Variants in ATG4C observed in about 807,000 individuals in gnomAD.
ATG4C encodes the protein cysteine protease ATG4C.
Under a neutral mutation model 57.6 loss-of-function variants are expected in ATG4C, and 56 were observed. That is an observed-to-expected ratio of 0.97 (90% CI 0.78 to 1.21). ATG4C has a LOEUF of 1.21. ATG4C is among the 50% of genes most tolerant of loss of function. The pLI is 0.00. For missense variants in ATG4C, 595 were observed against 529.8 expected, an observed-to-expected ratio of 1.12 and a Z score of -1.21; for synonymous variants, 157 against 174.1, an observed-to-expected ratio of 0.90 and a Z score of 0.78.
In ATG4C at chr1:62,831,357, C is replaced by G. The variant is rs72669578; in HGVS notation, c.933+2181C>G. On this transcript the variant is annotated intron_variant, in intron 7 of 10. Coordinates refer to ENST00000317868, the MANE Select transcript of ATG4C (RefSeq NM_032852.4). ...TTTTTTCCTTTTTTTCATGTATGGTCAGCCGTTGTATTTTTTCCTGCCAAA... is the reference window on the plus strand; with the variant it reads ...TTTTTTCCTTTTTTTCATGTATGGTGAGCCGTTGTATTTTTTCCTGCCAAA... 2.3e-3 allele frequency among the ~76,000 whole-genome samples: 346 copies of G among 152,174 alleles called. 3 individuals are homozygous for G. Among genetic ancestry groups the G allele is most frequent in the Non-Finnish European group, 3.4e-3 (230 of 67,980 alleles).
At chr1:62,796,818 A>G (rs1045795957) in intron 1 of ATG4C, among the ~76,000 whole-genome samples, 1 of 152,156 alleles carries the variant, frequency 6.6e-6, no homozygotes, top group Admixed American at 6.6e-5. Context: ...TTAGATGCCA[A>G]CATTATGGGC....
intron 6 of ATG4C, among the ~76,000 whole-genome samples, chr1:62,828,693 T>A (rs990992823): frequency 6.6e-5 from 10 of 152,250 alleles, no homozygotes; most frequent in Admixed American, 2.6e-4. Context: ...TTGTTGCGAT[T>A]GTTTTCGGTA....
chr1:62,799,402 A>C (rs1176206310), intron 1 of ATG4C, among the ~76,000 whole-genome samples: 2 of 152,212 alleles, frequency 1.3e-5, no homozygotes, highest in Non-Finnish European at 2.9e-5. Context: ...AATGATAATG[A>C]AAGTATTTTC....
intron 3 of ATG4C, among the ~76,000 whole-genome samples, chr1:62,813,156 G>A (rs1010507722): frequency 2.6e-5 from 4 of 152,056 alleles, no homozygotes; most frequent in African/African-American, 4.8e-5. Flanking sequence ...AAGAGCTCGC[G>A]TAGCCAAGAC....
chr1:62,861,995 T>G (rs995277929), intron 10 of ATG4C, among the ~76,000 whole-genome samples: 1 of 152,204 alleles, frequency 6.6e-6, no homozygotes, highest in Admixed American at 6.5e-5. Flanking sequence ...AATCAAATTA[T>G]GATTAAAGCT....
intron 3 of ATG4C, among the ~76,000 whole-genome samples, chr1:62,812,337 A>G (rs994627835): frequency 6.6e-6 from 1 of 152,198 alleles, no homozygotes; most frequent in Non-Finnish European, 1.5e-5. Context: ...CAATAAATGT[A>G]ATCCATCACG....
At chr1:62,787,799 G>GAT (rs937764099) in intron 1 of ATG4C, among the ~76,000 whole-genome samples, 1 of 151,666 alleles carries the variant, frequency 6.6e-6, no homozygotes, top group African/African-American at 2.4e-5. Context: ...TAAATGAAAT[G>GAT]ATATATATAC....
intron 1 of ATG4C, among the ~76,000 whole-genome samples, chr1:62,797,908 C>T (rs918838078): frequency 5.3e-5 from 8 of 152,324 alleles, no homozygotes; most frequent in Non-Finnish European, 8.8e-5. Flanking sequence ...CAACCTCCAC[C>T]TCCTGGGTTG....
chr1:62,788,164 C>T (rs1296311804), intron 1 of ATG4C, among the ~76,000 whole-genome samples: 2 of 152,002 alleles, frequency 1.3e-5, no homozygotes, highest in Non-Finnish European at 2.9e-5. Flanking sequence ...CAAACCTTTT[C>T]GAAGTTTGAA....
chr1:62,804,446 ATTTTT>A (rs553503812), intron 2 of ATG4C, among the ~76,000 whole-genome samples: 8 of 145,460 alleles, frequency 5.5e-5, no homozygotes, highest in African/African-American at 2.0e-4. Flanking sequence ...GTCTTGCATA[ATTTTT>A]TTTTTTTAGC....
rs774864016 is a variant in ATG4C at position 62,803,818 on chromosome 1, A to G, written c.32A>G (p.Lys11Arg). ...GCTACAGGAACAGATGAAGTTGACA[A>G]GCTAAAAACCAAATTTATATCTGCT... Reference protein sequence around the residue: MEATGTDEVDKLKTKFISAWN... With the variant: MEATGTDEVDRLKTKFISAWN... The change falls in exon 2 of 11, where the codon AAG (lysine) becomes AGG (arginine). Residue 11 changes from lysine (K) to arginine (R), a missense_variant. Transcript: ENST00000317868. 2.3e-5 allele frequency: 37 copies of G among 1,606,680 alleles called. No individual in the cohort carries two copies. Among genetic ancestry groups the G allele is most frequent in the Non-Finnish European group, 3.1e-5 (37 of 1,176,302 alleles).
intron 1 of ATG4C, among the ~76,000 whole-genome samples, chr1:62,795,872 C>T (rs1459917832): frequency 3.3e-5 from 5 of 151,316 alleles, no homozygotes; most frequent in Admixed American, 2.0e-4. Context: ...AATAATTTCT[C>T]ATAGTTTTTA....
Position 62,803,777 on chromosome 1 carries a change from GA to G in ATG4C, c.-8del. 6.3e-7 allele frequency: 1 copy of G among 1,588,186 alleles called. No individual in the cohort carries two copies. The highest frequency in any genetic ancestry group is 2.3e-5 in the East Asian group (1 of 44,106). On this transcript the variant is annotated 5_prime_UTR_variant, in exon 2 of 11. The change abolishes the stop of an existing upstream ORF in the 5' untranslated region. Transcript: ENST00000317868. Reference sequence around the variant, plus strand: ...CAATCAAGTGATGGCTTTTCCTTTAGAATTTGAATATGGAGGCTACAGGAAC... The same window carrying G: ...CAATCAAGTGATGGCTTTTCCTTTAGATTTGAATATGGAGGCTACAGGAAC...
In ATG4C at chr1:62,819,000, T is replaced by C. The variant is rs758675327; in HGVS notation, c.395-5T>C. 6.5e-7 allele frequency: 1 copy of C among 1,531,944 alleles called. No individual in the cohort carries two copies. Among genetic ancestry groups the C allele is most frequent in the South Asian group, 1.3e-5 (1 of 75,770 alleles). 94.9% of individuals were successfully genotyped at this position (1,531,944 alleles called of 1,614,324 possible). A position where few individuals can be genotyped will look rare whatever the true frequency, so the allele number is the denominator to read the frequency against. ...TCTGAACACTTTGCTTTGGAACTACTATAGCTTGGACCTGGCCTGATGCTT... is the reference window on the plus strand; with the variant it reads ...TCTGAACACTTTGCTTTGGAACTACCATAGCTTGGACCTGGCCTGATGCTT... On this transcript the variant is annotated splice_polypyrimidine_tract_variant and splice_region_variant and intron_variant, in intron 4 of 10. Transcript: ENST00000317868.
chr1:62,816,511 A>G, intron 3 of ATG4C, 64 bp from the exon 4 acceptor site: 2 of 1,118,790 alleles, frequency 1.8e-6, no homozygotes, highest in Non-Finnish European at 1.3e-6. Context: ...GACAGTAATG[A>G]TAATGTTTGT....
intron 10 of ATG4C, 88 bp from the exon 11 acceptor site, chr1:62,863,904 G>A (rs1666925867): frequency 4.3e-6 from 4 of 939,960 alleles, no homozygotes; most frequent in Non-Finnish European, 6.3e-6. Context: ...AACAGGAGAG[G>A]TTCAGGGCTA....
chr1:62,810,644 C>T lies in ATG4C; in HGVS notation c.160+5389C>T, dbSNP rs1043485787. ...AAACATCTTGTTTTCTTCCAAACCA[C>T]GTGTTCAGACCCACTTTGTACTTTT... is the stretch of plus-strand genomic sequence containing the variant. On this transcript the variant is annotated intron_variant, in intron 3 of 10. Transcript: ENST00000317868. 6.6e-5 allele frequency among the ~76,000 whole-genome samples: 10 copies of T among 151,772 alleles called. No individual in the cohort carries two copies. The South Asian group carries it at 8.3e-4, about 13-fold the overall frequency.
chr1:62,857,269 T>C (rs1187604965), intron 10 of ATG4C, among the ~76,000 whole-genome samples: 2 of 152,152 alleles, frequency 1.3e-5, no homozygotes, highest in Admixed American at 1.3e-4. Flanking sequence ...GAGCTCTGCC[T>C]CCTGTCAGAT....
chr1:62,808,624 C>A (rs572679056), intron 3 of ATG4C, among the ~76,000 whole-genome samples: 1 of 151,856 alleles, frequency 6.6e-6, no homozygotes, highest in Non-Finnish European at 1.5e-5. Context: ...CCTGTAGAAA[C>A]CAAAGGAAAG....
Sources: allele counts gnomAD v4.1 joint callset (sites outside exome capture counted in the v4.1 genomes callset), GRCh38; gene constraint gnomAD v4.1.1; transcripts MANE v1.5; gene names NCBI Gene and HGNC (gene_info 2026-07-23, HGNC 2026-07-21).